Variants in SACS observed in about 807,000 individuals in gnomAD.
SACS encodes the protein sacsin.
In SACS, 197 loss-of-function variants were observed where a neutral mutation model predicts 348.0. The ratio of observed to expected loss-of-function variants is 0.57; its 90% confidence interval spans 0.50 to 0.64. The LOEUF is 0.64. Ranked by LOEUF, SACS falls within the 30% of genes least tolerant of loss-of-function variation. The pLI is 0.00. For missense variants in SACS, 4,999 were observed against 5,360.8 expected, an observed-to-expected ratio of 0.93 and a Z score of 2.11; for synonymous variants, 1,985 against 1,910.6, an observed-to-expected ratio of 1.04 and a Z score of -1.02.
At chr13:23,359,416 GTTT>G (rs545575402) in intron 6 of SACS, among the ~76,000 whole-genome samples, 1 of 151,996 alleles carries the variant, frequency 6.6e-6, no homozygotes, top group African/African-American at 2.4e-5. Flanking sequence ...AGTGTTTGAA[GTTT>G]TTTTATCAGC....
At chr13:23,384,981 GC>G (rs1353731924) in intron 2 of SACS, among the ~76,000 whole-genome samples, 1 of 151,906 alleles carries the variant, frequency 6.6e-6, no homozygotes, top group African/African-American at 2.4e-5. Flanking sequence ...TACATTCCTG[GC>G]CGGGCATGGT....
Position 23,399,334 on chromosome 13 carries a change from A to G in SACS, c.20+11886T>C, listed in dbSNP as rs535668236. Among the ~76,000 whole-genome samples the G allele has an allele frequency of 2.0e-5, 3 of 152,212 alleles. No individual in the cohort carries two copies. The East Asian group carries it at 5.8e-4, about 29-fold the overall frequency. On this transcript the variant is annotated intron_variant, in intron 2 of 9. Transcript: ENST00000382292. ...CCTTCTCCTAAGCTACTTGCTCTGT[A>G]ACAACTTCTGCCGGTCCCAATCTGT...
Position 23,330,980 on chromosome 13 carries a change from T to A in SACS, c.12896A>T (p.Lys4299Met). 6.2e-7 allele frequency: 1 copy of A among 1,614,162 alleles called. No homozygotes were observed. The highest frequency in any genetic ancestry group is 2.2e-5 in the East Asian group (1 of 44,874). ...TAAGATTTCTGGTAAAGAATTAACC[T>A]TAAGCTTTTTGGGGGACTGATGTTT... ...SSKHQSPKKL[K>M]VNSLPEILKE... Residue 4299 changes from lysine (K) to methionine (M), a missense_variant, in exon 10 of 10, where the codon AAG becomes ATG. Lys to Met is a moderately conservative substitution (Grantham distance 95, BLOSUM62 -1). Transcript: ENST00000382292.
At chr13:23,431,492 G>A (rs1432683168) in intron 1 of SACS, among the ~76,000 whole-genome samples, 1 of 152,222 alleles carries the variant, frequency 6.6e-6, no homozygotes, top group Non-Finnish European at 1.5e-5. Flanking sequence ...TAACAGGATT[G>A]TCATTGCAAA....
intron 1 of SACS, among the ~76,000 whole-genome samples, chr13:23,430,693 T>G (rs1874401667): frequency 6.6e-6 from 1 of 152,238 alleles, no homozygotes; most frequent in Non-Finnish European, 1.5e-5. Context: ...TAGGATGGCT[T>G]TGATTTATTT....
In SACS at chr13:23,332,503, C is replaced by T. The variant is rs1883545757; in HGVS notation, c.11373G>A (p.Leu3791=). The T allele has an allele frequency of 1.2e-6, 2 of 1,613,958 alleles. No homozygotes were observed. Among genetic ancestry groups the T allele is most frequent in the Non-Finnish European group, 1.7e-6 (2 of 1,179,888 alleles). The part of the protein sequence containing the change: ...SAEKREFRFQ[L]RGVAFVMVED... ...CTACCATCACAAAAGCAACCCCTCG[C>T]AACTGAAAACGAAATTCCCTTTTTT... The change falls in exon 10 of 10, where the codon TTG becomes TTA. Residue 3791 remains leucine (L), a synonymous_variant. Coordinates refer to ENST00000382292, the MANE Select transcript of SACS (RefSeq NM_014363.6).
intron 2 of SACS, among the ~76,000 whole-genome samples, chr13:23,384,569 G>A (rs1872195185): frequency 6.6e-6 from 1 of 152,214 alleles, no homozygotes; most frequent in South Asian, 2.1e-4. Flanking sequence ...AGAGAAAGTT[G>A]TGAGTTGATT....
intron 1 of SACS, among the ~76,000 whole-genome samples, chr13:23,412,231 G>A (rs1162608546): frequency 4.0e-5 from 6 of 151,634 alleles, no homozygotes; most frequent in African/African-American, 1.5e-4. Flanking sequence ...TGCACTCCCC[G>A]CGCCTGGGCA....
intron 7 of SACS, among the ~76,000 whole-genome samples, chr13:23,357,995 T>C (rs1301965396): frequency 2.0e-5 from 3 of 152,228 alleles, no homozygotes; most frequent in Admixed American, 6.5e-5. Flanking sequence ...TTTGTTTGAC[T>C]TGAAGAGTTG....
chr13:23,391,374 G>A (rs1207305031), intron 2 of SACS, among the ~76,000 whole-genome samples: 2 of 152,206 alleles, frequency 1.3e-5, no homozygotes, highest in Non-Finnish European at 2.9e-5. Flanking sequence ...GCTCAGGTTG[G>A]CCTCTTTGGG....
intron 2 of SACS, among the ~76,000 whole-genome samples, chr13:23,387,693 G>A (rs1379060029): frequency 6.6e-6 from 1 of 152,104 alleles, no homozygotes; most frequent in Non-Finnish European, 1.5e-5. Flanking sequence ...TTCAGGTGAT[G>A]CAGCTTCTGT....
rs182487544 is a variant in SACS, at chr13:23,375,095, C to T, written c.171+24G>A. On this transcript the variant is annotated intron_variant, in intron 3 of 9. Transcript: ENST00000382292. ...GTTCCTCCGCGTGGCGGAGCCCAGC[C>T]CAGCGCCCCCGGCCACCGCCTACCT... The T allele has an allele frequency of 0.012, 18,548 of 1,484,476 alleles. 156 individuals are homozygous for T. Among genetic ancestry groups the T allele is most frequent in the Non-Finnish European group, 0.014 (15,872 of 1,117,402 alleles). The allele number at this position is 1,484,476 out of a possible 1,614,324, so 92.0% of individuals were successfully genotyped here.
chr13:23,340,310 A>G lies in SACS; in HGVS notation c.3566T>C (p.Val1189Ala). Residue 1189 changes from valine (V) to alanine (A), a missense_variant, in exon 10 of 10, where the codon GTA becomes GCA. Physicochemically the swap from Val to Ala is moderately conservative, Grantham distance 64. This residue lies in a region of SACS where 3,156 missense variants were observed against 3,380.1 expected (regional missense o/e 0.93). Transcript: ENST00000382292. ...GGAGCCAATGAGAATTGCATGGCCT[A>G]CATCACACATATCTGGTGGTGCACA... ...NLCAPPDMCD[V>A]GHAILIGSSL... 6.2e-7 allele frequency: 1 copy of G among 1,614,030 alleles called. No individual in the cohort carries two copies. Among genetic ancestry groups the G allele is most frequent in the Non-Finnish European group, 8.5e-7 (1 of 1,179,956 alleles).
At chr13:23,363,117 C>T (rs967140988) in intron 6 of SACS, among the ~76,000 whole-genome samples, 3 of 151,814 alleles carry the variant, frequency 2.0e-5, no homozygotes, top group African/African-American at 7.3e-5. Context: ...CCATGTTGGC[C>T]AGGCTGGTCT....
chr13:23,339,597 G>C lies in SACS; in HGVS notation c.4279C>G (p.Pro1427Ala), dbSNP rs527513599. ...TTTAGCCATTCTGCAGTTTTCATGGGTATGTCCTCATGCACCAAAATGATT... is the reference window on the plus strand; with the variant it reads ...TTTAGCCATTCTGCAGTTTTCATGGCTATGTCCTCATGCACCAAAATGATT... Reference protein sequence around the residue: ...EPIILVHEDIPMKTAEWLKVP... With the variant: ...EPIILVHEDIAMKTAEWLKVP... The change falls in exon 10 of 10, where the codon CCC becomes GCC. Residue 1427 changes from proline (P) to alanine (A), a missense_variant. By Grantham distance (27) the Pro-to-Ala change is conservative. Transcript: ENST00000382292. 4 of 1,612,268 alleles carry C rather than the reference G, an allele frequency of 2.5e-6. No homozygotes were observed. The highest frequency in any genetic ancestry group is 3.4e-6 in the Non-Finnish European group (4 of 1,178,728).
Position 23,338,453 on chromosome 13 carries a change from A to G in SACS, c.5423T>C (p.Leu1808Ser). The G allele has an allele frequency of 2.0e-5, 33 of 1,614,032 alleles. No homozygotes were observed. The highest frequency in any genetic ancestry group is 2.8e-5 in the Non-Finnish European group (33 of 1,179,890). The change falls in exon 10 of 10, where the codon TTG becomes TCG. Residue 1808 changes from leucine to serine, a missense_variant. Around this residue, in one of 6 missense-constraint regions of SACS, gnomAD observed 3,156 missense variants for 3,380.1 expected, o/e 0.93. Coordinates refer to ENST00000382292, the MANE Select transcript of SACS (RefSeq NM_014363.6). Reference sequence around the variant, plus strand: ...GGTACACTCTACTGTTTTCTGTGACAACTCATCTGATGGCTTTTTTGATTG... The same window carrying G: ...GGTACACTCTACTGTTTTCTGTGACGACTCATCTGATGGCTTTTTTGATTG... Reference protein sequence around the residue: ...SGQSKKPSDELSQKTVECTTW... With the variant: ...SGQSKKPSDESSQKTVECTTW...
Position 23,399,436 on chromosome 13 carries a change from C to T in SACS, c.20+11784G>A, listed in dbSNP as rs1031989174. ...CCATTCTGTAAACTGCCCCTCCCGC[C>T]GAAACTACCCTTCCCGCCTTTGCCG... On this transcript the variant is annotated intron_variant, in intron 2 of 9. Transcript: ENST00000382292. Among the ~76,000 whole-genome samples the T allele has an allele frequency of 1.2e-3, 184 of 152,266 alleles. 1 individual carries two copies. The highest frequency in any genetic ancestry group is 1.5e-3 in the Non-Finnish European group (104 of 68,024).
intron 9 of SACS, among the ~76,000 whole-genome samples, 154 bp from the exon 10 acceptor site, chr13:23,341,844 T>C (rs1869268023): frequency 7.2e-6 from 1 of 139,712 alleles, no homozygotes. Context: ...TGGAGTGCAG[T>C]AGCACAATCT....
intron 6 of SACS, among the ~76,000 whole-genome samples, chr13:23,361,574 C>T (rs1023610944): frequency 6.6e-6 from 1 of 151,992 alleles, no homozygotes; most frequent in Non-Finnish European, 1.5e-5. Flanking sequence ...GTCAGGAATT[C>T]GAGACCAGCC....
Sources: allele counts gnomAD v4.1 joint callset (sites outside exome capture counted in the v4.1 genomes callset), GRCh38; gene constraint gnomAD v4.1.1; regional missense constraint gnomAD v4.1.1; transcripts MANE v1.5; gene names NCBI Gene and HGNC (gene_info 2026-07-23, HGNC 2026-07-21).